The following GFPT1 variants were observed in gnomAD, a reference collection of about 807,000 sequenced individuals.
GFPT1 encodes the protein glutamine--fructose-6-phosphate aminotransferase [isomerizing] 1.
GFPT1 carries 40 observed loss-of-function variants against 92.0 expected under a neutral mutation model. That is an observed-to-expected ratio of 0.43 (90% confidence interval 0.34 to 0.57). The LOEUF (loss-of-function observed/expected upper bound fraction) is 0.57, where lower values mean the gene tolerates loss of function less well. GFPT1 is among the 20% of genes least tolerant of loss of function. The pLI is 0.02. For missense variants in GFPT1, 448 were observed against 869.1 expected (o/e 0.52, Z 6.09); for synonymous variants, 269 against 280.6 (o/e 0.96, Z 0.41).
intron 9 of GFPT1, among the ~76,000 whole-genome samples, chr2:69,351,284 A>C (rs922644442): frequency 5.9e-5 from 9 of 152,230 alleles, no homozygotes; most frequent in Non-Finnish European, 1.3e-4. Flanking sequence ...TTTTTCATCA[A>C]AACTGGAATG....
At chr2:69,343,414 CTTT>C (rs113621682) in intron 12 of GFPT1, among the ~76,000 whole-genome samples, 2 of 143,622 alleles carry the variant, frequency 1.4e-5, no homozygotes, top group Non-Finnish European at 1.5e-5. Context: ...ATCTCCTCAC[CTTT>C]TTTTTTTTTT....
chr2:69,340,528 C>T (rs1670924294), intron 13 of GFPT1, among the ~76,000 whole-genome samples: 2 of 151,950 alleles, frequency 1.3e-5, no homozygotes, highest in South Asian at 4.1e-4. Context: ...TATTTATATC[C>T]TACTGCTCAA....
intron 4 of GFPT1, among the ~76,000 whole-genome samples, chr2:69,362,238 C>T (rs1279940062): frequency 6.6e-6 from 1 of 152,082 alleles, no homozygotes; most frequent in East Asian, 1.9e-4. Context: ...AGGTGATCCT[C>T]CTGCCTTAGC....
At chr2:69,342,020 T>C in intron 13 of GFPT1, 132 bp downstream of exon 13, 3 of 604,912 alleles carry the variant, frequency 5.0e-6, no homozygotes, top group South Asian at 2.4e-5. Flanking sequence ...CCTTACCTTC[T>C]TTTTTTATCA....
At chr2:69,376,245 T>A (rs1047560680) in intron 1 of GFPT1, among the ~76,000 whole-genome samples, 1 of 152,258 alleles carries the variant, frequency 6.6e-6, no homozygotes, top group South Asian at 2.1e-4. Flanking sequence ...GTGCAGTGGC[T>A]CACGCCTGTA....
At chr2:69,339,606 G>A (rs1670885482) in intron 13 of GFPT1, among the ~76,000 whole-genome samples, 1 of 152,110 alleles carries the variant, frequency 6.6e-6, no homozygotes, top group Admixed American at 6.6e-5. Context: ...TAACCTGACA[G>A]CCTTTCACCA....
Position 69,327,040 on chromosome 2 carries a change from A to G in GFPT1, c.1929T>C (p.Thr643=), listed in dbSNP as rs1670547520. The G allele has an allele frequency of 6.2e-7, 1 of 1,614,144 alleles. No individual in the cohort carries two copies. The highest frequency in any genetic ancestry group is 1.7e-5 in the Admixed American group (1 of 60,024). ...RPVVICDKED[T]ETIKNTKRTI... is the part of the protein sequence containing the mutation. ...TTCTTTTTGTGTTCTTAATGGTCTC[A>G]GTATCCTCCTTATCACAAATTACCA... Residue 643 remains threonine, a synonymous_variant, in exon 19 of 20, where the codon ACT becomes ACC. Coordinates refer to ENST00000357308, the MANE Select transcript of GFPT1 (RefSeq NM_001244710.2).
intron 1 of GFPT1, among the ~76,000 whole-genome samples, chr2:69,378,365 C>T (rs1399425603): frequency 6.6e-6 from 1 of 152,166 alleles, no homozygotes; most frequent in East Asian, 1.9e-4. Context: ...ATCAACTTTC[C>T]GCCACTCTTC....
intron 10 of GFPT1, among the ~76,000 whole-genome samples, chr2:69,348,877 T>C (rs1671145140): frequency 1.3e-5 from 2 of 152,176 alleles, no homozygotes; most frequent in African/African-American, 4.8e-5. Flanking sequence ...TGCCTTACCG[T>C]AATCCCTATA....
At chr2:69,359,781 A>AAATTCCTTAGTTCTAGTT (rs1671423417) in intron 4 of GFPT1, among the ~76,000 whole-genome samples, 1 of 152,248 alleles carries the variant, frequency 6.6e-6, no homozygotes, top group African/African-American at 2.4e-5. Flanking sequence ...TCTGATTTAC[A>AAATTCCTTAGTTCTAGTT]CTAAATGAAT....
At chr2:69,331,176 T>C (rs966228507) in intron 15 of GFPT1, among the ~76,000 whole-genome samples, 2 of 152,222 alleles carry the variant, frequency 1.3e-5, no homozygotes, top group Non-Finnish European at 2.9e-5. Flanking sequence ...AGCAAACTTT[T>C]ACCATTTTGA....
intron 1 of GFPT1, among the ~76,000 whole-genome samples, chr2:69,379,206 T>C (rs1031078535): frequency 2.0e-5 from 3 of 152,182 alleles, no homozygotes; most frequent in African/African-American, 7.2e-5. Flanking sequence ...GTTATTCCCA[T>C]ACACACACTC....
intron 15 of GFPT1, among the ~76,000 whole-genome samples, chr2:69,333,731 T>C (rs1303132218): frequency 6.6e-6 from 1 of 152,234 alleles, no homozygotes; most frequent in Non-Finnish European, 1.5e-5. Context: ...AACTTGTCTA[T>C]GGTCTGATAC....
At chr2:69,352,124 G>A (rs577047689) in intron 9 of GFPT1, among the ~76,000 whole-genome samples, 1 of 151,900 alleles carries the variant, frequency 6.6e-6, no homozygotes, top group Non-Finnish European at 1.5e-5. Context: ...TTAGCTGAGA[G>A]TGGTAGAGTA....
chr2:69,335,654 T>C (rs1373900855), intron 15 of GFPT1, among the ~76,000 whole-genome samples: 2 of 152,214 alleles, frequency 1.3e-5, no homozygotes, highest in South Asian at 2.1e-4. Flanking sequence ...TGTAACACGT[T>C]TTAATTACCA....
At chr2:69,351,333 C>A (rs574279973) in intron 9 of GFPT1, among the ~76,000 whole-genome samples, 149 of 152,224 alleles carry the variant, frequency 9.8e-4, no homozygotes, top group African/African-American at 3.5e-3. Context: ...GGAAAAAAAT[C>A]TATTAGTTGA....
chr2:69,349,299 G>T, intron 10 of GFPT1, among the ~76,000 whole-genome samples: 1 of 152,124 alleles, frequency 6.6e-6, no homozygotes, highest in East Asian at 1.9e-4. Flanking sequence ...ATGAGAAAAG[G>T]CTGATATGTT....
intron 2 of GFPT1, among the ~76,000 whole-genome samples, chr2:69,373,298 G>A (rs890253220): frequency 3.3e-5 from 5 of 152,158 alleles, no homozygotes; most frequent in African/African-American, 4.8e-5. Flanking sequence ...AAAGTTGCCA[G>A]AAAGTTATGT....
At chr2:69,377,783 C>T (rs1671913221) in intron 1 of GFPT1, among the ~76,000 whole-genome samples, 1 of 152,224 alleles carries the variant, frequency 6.6e-6, no homozygotes, top group African/African-American at 2.4e-5. Context: ...TTTCATAGCC[C>T]TGTCCCTTGA....
Sources: allele counts gnomAD v4.1 joint callset (sites outside exome capture counted in the v4.1 genomes callset), GRCh38; gene constraint gnomAD v4.1.1; transcripts MANE v1.5; gene names NCBI Gene and HGNC (gene_info 2026-07-23, HGNC 2026-07-21).